Variants in ZNF532 observed in about 807,000 individuals in gnomAD.
ZNF532 encodes the protein zinc finger protein 532.
ZNF532 carries 22 observed loss-of-function variants against 89.3 expected under a neutral mutation model. The ratio of observed to expected loss-of-function variants is 0.25; its 90% CI spans 0.18 to 0.35. The LOEUF (loss-of-function observed/expected upper bound fraction) is 0.35, where lower values mean the gene tolerates loss of function less well. Among genes scored for constraint, ZNF532 ranks in the 10% least tolerant of loss-of-function variants. The pLI is 1.00. For missense variants in ZNF532, 1,132 were observed against 1,643.4 expected (o/e 0.69, Z 5.38); for synonymous variants, 606 against 649.6 (o/e 0.93, Z 1.02).
chr18:58,880,135 T>C (rs1436509289), intron 2 of ZNF532, among the ~76,000 whole-genome samples: 1 of 152,130 alleles, frequency 6.6e-6, no homozygotes, highest in Non-Finnish European at 1.5e-5. Context: ...TGGGAACACT[T>C]ACCAGGAGAA....
At chr18:58,982,001 C>CAAAAA (rs60019659) in intron 9 of ZNF532, among the ~76,000 whole-genome samples, 1 of 83,310 alleles carries the variant, frequency 1.2e-5, no homozygotes, top group Non-Finnish European at 2.5e-5. Context: ...GAGACTCTCC[C>CAAAAA]AAAAAAAAAA....
chr18:58,915,864 G>A (rs2060565096), intron 2 of ZNF532, among the ~76,000 whole-genome samples: 1 of 152,180 alleles, frequency 6.6e-6, no homozygotes, highest in Non-Finnish European at 1.5e-5. Flanking sequence ...TGAACTGACT[G>A]CCCTCTGGGA....
At position 58,903,312 on chromosome 18, in the gene ZNF532, C is replaced by G. The variant is rs74571880; in HGVS notation, c.-17-14959C>G. On this transcript the variant is annotated intron_variant, in intron 2 of 9. Transcript: ENST00000591808. ...AAGCTGGGCCTGCGAAAAACACACGCGGAACCGCAGCAGCTCATGGTTGGG... is the reference window on the plus strand; with the variant it reads ...AAGCTGGGCCTGCGAAAAACACACGGGGAACCGCAGCAGCTCATGGTTGGG... Among the ~76,000 whole-genome samples, 3 of 152,148 alleles carry G rather than the reference C, an allele frequency of 2.0e-5. No individual in the cohort carries two copies. The South Asian group carries it at 6.2e-4, about 32-fold the overall frequency.
intron 5 of ZNF532, among the ~76,000 whole-genome samples, chr18:58,946,893 A>T (rs960220547): frequency 6.6e-6 from 1 of 152,124 alleles, no homozygotes; most frequent in Non-Finnish European, 1.5e-5. Flanking sequence ...AACTTTGGAC[A>T]GAGAATTGCA....
intron 5 of ZNF532, 68 bp downstream of exon 5, chr18:58,939,689 C>T (rs550415336): frequency 3.3e-5 from 47 of 1,439,898 alleles, no homozygotes; most frequent in Middle Eastern, 3.6e-4. Context: ...AGGTAGTAGT[C>T]GTTCTATTGA....
chr18:58,895,571 G>T (rs2059190073), intron 2 of ZNF532, among the ~76,000 whole-genome samples: 1 of 152,216 alleles, frequency 6.6e-6, no homozygotes, highest in African/African-American at 2.4e-5. Flanking sequence ...GGGCCTGCCT[G>T]TTGGAGCTGG....
chr18:58,917,713 T>A (rs2060707090), intron 2 of ZNF532, among the ~76,000 whole-genome samples: 1 of 152,074 alleles, frequency 6.6e-6, no homozygotes, highest in South Asian at 2.1e-4. Context: ...GTTTTTTTTT[T>A]TTAAAAAGTC....
At chr18:58,878,838 A>G (rs973752975) in intron 2 of ZNF532, among the ~76,000 whole-genome samples, 4 of 152,256 alleles carry the variant, frequency 2.6e-5, no homozygotes, top group Non-Finnish European at 5.9e-5. Context: ...GTCATCTTGC[A>G]CTAAGCTTAC....
In ZNF532 at chr18:58,919,047, C is replaced by G. The variant is rs755124076; in HGVS notation, c.760C>G (p.Pro254Ala). 2 of 1,613,838 alleles carry G rather than the reference C, an allele frequency of 1.2e-6. No individual in the cohort carries two copies. Among genetic ancestry groups the G allele is most frequent in the African/African-American group, 1.3e-5 (1 of 74,920 alleles). The change falls in exon 3 of 10, where the codon CCC becomes GCC. Residue 254 changes from proline to alanine, a missense_variant. Pro to Ala is a conservative substitution (Grantham distance 27). Around this residue, in one of 9 missense-constraint regions of ZNF532, gnomAD observed 302 missense variants for 319.8 expected, o/e 0.94. Transcript: ENST00000591808. The surrounding 1 kb of genome is among the most constrained non-coding windows in gnomAD (Gnocchi z 6.1). Reference sequence around the variant, plus strand: ...CTCCGAGAAGAATGACACCAGCCTCCCCAGCGTTGCGCCATCAAAGACAAA... The same window carrying G: ...CTCCGAGAAGAATGACACCAGCCTCGCCAGCGTTGCGCCATCAAAGACAAA... Reference protein sequence around the residue: ...LSSEKNDTSLPSVAPSKTKSS... With the variant: ...LSSEKNDTSLASVAPSKTKSS...
intron 7 of ZNF532, among the ~76,000 whole-genome samples, chr18:58,973,963 GGCT>G (rs1568458184): frequency 6.6e-6 from 1 of 152,140 alleles, no homozygotes; most frequent in Non-Finnish European, 1.5e-5. Context: ...GCAAATCCCT[GGCT>G]GCTAAGAGCG....
chr18:58,916,988 G>A (rs139730645), intron 2 of ZNF532, among the ~76,000 whole-genome samples: 8 of 152,328 alleles, frequency 5.3e-5, no homozygotes, highest in African/African-American at 1.9e-4. Flanking sequence ...ATACCGAAGG[G>A]CAGAGTCTGT....
At chr18:58,977,313 A>G (rs1264246274) in intron 7 of ZNF532, among the ~76,000 whole-genome samples, 1 of 152,076 alleles carries the variant, frequency 6.6e-6, no homozygotes, top group East Asian at 1.9e-4. Context: ...CCCCTTTGTT[A>G]ATCATCCCCG....
rs1568247381 is a variant in ZNF532 at position 58,888,824 on chromosome 18, T to TAATTTATATATATAAA, written c.-18+23247_-18+23248insTTTATATATATAAAAA. On this transcript the variant is annotated intron_variant, in intron 2 of 9. Transcript: ENST00000591808. The stretch of plus-strand genomic sequence containing the variant: ...TTATATATATAAAAAATTATATATA[T>TAATTTATATATATAAA]AAATTATATATATAATTTATATATA... 2.7e-4 allele frequency among the ~76,000 whole-genome samples: 14 copies of TAATTTATATATATAAA among 52,044 alleles called. 1 individual carries two copies. The highest frequency in any genetic ancestry group is 6.1e-4 in the African/African-American group (5 of 8,134). The allele number at this position is 52,044 out of a possible 152,430, so 34.1% of individuals were successfully genotyped here.
Position 58,984,808 on chromosome 18 carries a change from TC to T in ZNF532, c.*344del, listed in dbSNP as rs1247934854. 5.8e-6 allele frequency: 1 copy of T among 173,166 alleles called. No individual in the cohort carries two copies. Among genetic ancestry groups the T allele is most frequent in the Non-Finnish European group, 1.2e-5 (1 of 80,232 alleles). The allele number at this position is 173,166 out of a possible 1,614,324, so 10.7% of individuals were successfully genotyped here. On this transcript the variant is annotated 3_prime_UTR_variant, in exon 10 of 10. Coordinates refer to ENST00000591808, the MANE Select transcript of ZNF532 (RefSeq NM_001375912.1). ...CAGAGTTCTTAGTAACAGGGGCAGT[TC>T]CTGAATTCAAATAAACCATTTTGTA...
intron 7 of ZNF532, among the ~76,000 whole-genome samples, chr18:58,956,398 G>A (rs2064782878): frequency 6.6e-6 from 1 of 152,238 alleles, no homozygotes; most frequent in South Asian, 2.1e-4. Flanking sequence ...AAGGAGATGA[G>A]TGGGTGAGGA....
intron 6 of ZNF532, among the ~76,000 whole-genome samples, chr18:58,950,866 G>A (rs1399581052): frequency 6.6e-6 from 1 of 152,142 alleles, no homozygotes; most frequent in African/African-American, 2.4e-5. Context: ...CTGAACCTCT[G>A]GTCTCAAGTG....
chr18:58,944,844 C>G (rs1476300335), intron 5 of ZNF532, among the ~76,000 whole-genome samples: 2 of 152,176 alleles, frequency 1.3e-5, no homozygotes, highest in Admixed American at 1.3e-4. Flanking sequence ...CCCCCAGATT[C>G]CTCGGTTGTT....
chr18:58,952,792 G>A (rs2064345994), intron 6 of ZNF532, among the ~76,000 whole-genome samples: 1 of 152,136 alleles, frequency 6.6e-6, no homozygotes, highest in Admixed American at 6.5e-5. Flanking sequence ...CACTAATTTT[G>A]CCCTTTTCAA....
intron 7 of ZNF532, among the ~76,000 whole-genome samples, chr18:58,972,702 C>T (rs1390742076): frequency 6.6e-6 from 1 of 152,134 alleles, no homozygotes; most frequent in African/African-American, 2.4e-5. Flanking sequence ...CATCGCTCGC[C>T]TCTATCCTCA....
Sources: allele counts gnomAD v4.1 joint callset (sites outside exome capture counted in the v4.1 genomes callset), GRCh38; gene constraint gnomAD v4.1.1; regional missense constraint gnomAD v4.1.1; non-coding constraint Gnocchi (gnomAD v3.1); transcripts MANE v1.5; gene names NCBI Gene and HGNC (gene_info 2026-07-23, HGNC 2026-07-21).